Variants in PARD3 observed in about 807,000 individuals in gnomAD.
PARD3 encodes the protein partitioning defective 3 homolog.
A neutral mutation model predicts 155.4 loss-of-function variants in PARD3; 75 were observed. That is an observed-to-expected ratio of 0.48 (90% CI 0.40 to 0.58). The LOEUF is 0.58. PARD3 is among the 20% of genes least tolerant of loss of function. The pLI is 0.00. For synonymous variants in PARD3, 576 were observed against 610.5 expected (o/e 0.94, Z 0.83); for missense variants, 1,642 against 1,721.7 (o/e 0.95, Z 0.82).
At chr10:34,536,720 C>T (rs2083259445) in intron 2 of PARD3, among the ~76,000 whole-genome samples, 1 of 152,170 alleles carries the variant, frequency 6.6e-6, no homozygotes, top group Admixed American at 6.5e-5. Context: ...ATGGTTCTCA[C>T]CATTCTTGGT....
At chr10:34,380,268 T>TAC (rs767614152) in intron 9 of PARD3, among the ~76,000 whole-genome samples, 1 of 152,138 alleles carries the variant, frequency 6.6e-6, no homozygotes, top group African/African-American at 2.4e-5. Context: ...CTTTTTGTCA[T>TAC]ACATTCTCAC....
chr10:34,217,395 C>T (rs1232925216), intron 22 of PARD3, among the ~76,000 whole-genome samples: 1 of 152,118 alleles, frequency 6.6e-6, no homozygotes, highest in Non-Finnish European at 1.5e-5. Flanking sequence ...CTTGTAAAAA[C>T]ACTCCCTTTG....
intron 5 of PARD3, among the ~76,000 whole-genome samples, chr10:34,441,120 T>TC (rs2132656976): frequency 6.6e-6 from 1 of 152,128 alleles, no homozygotes; most frequent in South Asian, 2.1e-4. Context: ...GCATTAGAAA[T>TC]ACACCAGGGA....
intron 24 of PARD3, among the ~76,000 whole-genome samples, chr10:34,119,104 A>G (rs1446402279): frequency 1.3e-5 from 2 of 152,140 alleles, no homozygotes; most frequent in African/African-American, 2.4e-5. Context: ...GAGACCCTCT[A>G]AAGTTAAACA....
At chr10:34,649,791 C>T (rs1346434216) in intron 2 of PARD3, among the ~76,000 whole-genome samples, 5 of 152,206 alleles carry the variant, frequency 3.3e-5, no homozygotes, top group African/African-American at 9.7e-5. Context: ...CTTTTTGACT[C>T]ATAATAACAC....
intron 12 of PARD3, among the ~76,000 whole-genome samples, chr10:34,371,091 A>T (rs1350313011): frequency 1.3e-5 from 2 of 152,050 alleles, no homozygotes; most frequent in African/African-American, 4.8e-5. Context: ...TAACAATGCC[A>T]TGCTGTTTTA....
At chr10:34,403,397 A>G (rs1464540188) in intron 5 of PARD3, among the ~76,000 whole-genome samples, 1 of 152,238 alleles carries the variant, frequency 6.6e-6, no homozygotes, top group South Asian at 2.1e-4. Context: ...CCAGAGACTC[A>G]CAGTAGAAAC....
At chr10:34,143,669 C>A (rs1484524106) in intron 22 of PARD3, among the ~76,000 whole-genome samples, 1 of 152,060 alleles carries the variant, frequency 6.6e-6, no homozygotes, top group African/African-American at 2.4e-5. Flanking sequence ...TGGCTAAATT[C>A]TACAGACTTT....
intron 22 of PARD3, among the ~76,000 whole-genome samples, chr10:34,137,820 A>G (rs1947983403): frequency 2.0e-5 from 3 of 152,272 alleles, no homozygotes; most frequent in Admixed American, 2.0e-4. Context: ...CTCTCTGTAG[A>G]TGTCTGAGCA....
At chr10:34,619,609 A>G (rs1421358674) in intron 2 of PARD3, among the ~76,000 whole-genome samples, 1 of 152,186 alleles carries the variant, frequency 6.6e-6, no homozygotes, top group African/African-American at 2.4e-5. Flanking sequence ...ATGGGTAGTC[A>G]TCTCGTTTCT....
intron 22 of PARD3, among the ~76,000 whole-genome samples, chr10:34,151,741 A>AT (rs1454695993): frequency 2.0e-5 from 3 of 152,240 alleles, no homozygotes; most frequent in Non-Finnish European, 4.4e-5. Context: ...AGATTTTCCC[A>AT]TAGGAGCAAT....
Position 34,434,582 on chromosome 10 carries a change from G to C in PARD3, c.714+15735C>G, listed in dbSNP as rs539783762. Among the ~76,000 whole-genome samples the C allele has an allele frequency of 2.5e-4, 38 of 152,272 alleles. No individual in the cohort carries two copies. The South Asian group carries it at 7.3e-3, about 29-fold the overall frequency. Reference sequence around the variant, plus strand: ...CCAGAGTGTGTCAAGCAGTGCTCCTGACCACACATCAGTCTAGCCACAGTG... The same window carrying C: ...CCAGAGTGTGTCAAGCAGTGCTCCTCACCACACATCAGTCTAGCCACAGTG... On this transcript the variant is annotated intron_variant, in intron 5 of 24. Coordinates refer to ENST00000374788, the MANE Select transcript of PARD3 (RefSeq NM_001184785.2).
intron 16 of PARD3, 136 bp from the exon 17 acceptor site, chr10:34,337,562 A>G (rs1031137090): frequency 2.4e-6 from 1 of 412,110 alleles, no homozygotes; most frequent in African/African-American, 2.1e-5. Context: ...AAATAATACA[A>G]ATACAGTCCA....
intron 23 of PARD3, among the ~76,000 whole-genome samples, chr10:34,121,602 C>A (rs975674810): frequency 2.0e-5 from 3 of 152,200 alleles, no homozygotes; most frequent in African/African-American, 7.2e-5. Flanking sequence ...TTGGCTTTGG[C>A]CAGCACAGAA....
chr10:34,719,144 G>C (rs1206549413), intron 1 of PARD3, among the ~76,000 whole-genome samples: 1 of 152,154 alleles, frequency 6.6e-6, no homozygotes. Flanking sequence ...GCTAGGGATA[G>C]ACTAGGGCAG....
At chr10:34,196,096 T>G (rs1017561020) in intron 22 of PARD3, among the ~76,000 whole-genome samples, 1 of 152,208 alleles carries the variant, frequency 6.6e-6, no homozygotes. Context: ...GCCACTTAAT[T>G]TGCTCTCATC....
At chr10:34,310,879 CA>C (rs1445148875) in intron 20 of PARD3, among the ~76,000 whole-genome samples, 3 of 152,178 alleles carry the variant, frequency 2.0e-5, no homozygotes, top group African/African-American at 7.2e-5. Context: ...GTTCTTTGTC[CA>C]GGTGACAAAC....
chr10:34,152,526 T>C (rs572412241), intron 22 of PARD3, among the ~76,000 whole-genome samples: 14 of 152,324 alleles, frequency 9.2e-5, no homozygotes, highest in South Asian at 4.1e-4. Flanking sequence ...GGAACCACTG[T>C]GATATGTGCA....
At chr10:34,582,676 T>C in intron 2 of PARD3, among the ~76,000 whole-genome samples, 1 of 152,230 alleles carries the variant, frequency 6.6e-6, no homozygotes, top group East Asian at 1.9e-4. Context: ...TTATGCGCTA[T>C]ATGTGACACA....
Sources: gnomAD v4.1 joint callset for allele counts (sites outside exome capture counted in the v4.1 genomes callset) on GRCh38, gnomAD v4.1.1 for gene constraint, MANE v1.5 for transcripts, NCBI Gene and HGNC (gene_info 2026-07-23, HGNC 2026-07-21) for gene names.